PPP6R2: variants seen among roughly 807,000 people sequenced by gnomAD.
PPP6R2 encodes protein phosphatase 6 regulatory subunit 2, also known as serine/threonine-protein phosphatase 6 regulatory subunit 2.
In PPP6R2, 62 loss-of-function variants were observed where a neutral mutation model predicts 100.2. The observed-to-expected ratio is 0.62, with a 90% CI of 0.50 to 0.76. The LOEUF (loss-of-function observed/expected upper bound fraction) is 0.76. Among genes scored for constraint, PPP6R2 ranks in the 30% least tolerant of loss-of-function variants. The probability of loss-of-function intolerance (pLI) is 0.00; values close to 1 mark genes in which losing one functional copy is unlikely to be tolerated. For missense variants in PPP6R2, 1,142 were observed against 1,276.3 expected (o/e 0.89, Z 1.60); for synonymous variants, 525 against 514.7 (o/e 1.02, Z -0.27).
chr22:50,435,798 G>T (rs1164469378), intron 13 of PPP6R2, among the ~76,000 whole-genome samples: 1 of 152,212 alleles, frequency 6.6e-6, no homozygotes, highest in Non-Finnish European at 1.5e-5. Flanking sequence ...GTAGATGGGT[G>T]GAGGTGGAGG....
chr22:50,424,830 C>T (rs564210829), intron 10 of PPP6R2, among the ~76,000 whole-genome samples: 3 of 151,886 alleles, frequency 2.0e-5, no homozygotes, highest in East Asian at 1.9e-4. Context: ...TTAGTAGAGA[C>T]GGGGTTTCAC....
At chr22:50,424,536 G>T (rs1031514600) in intron 10 of PPP6R2, among the ~76,000 whole-genome samples, 9 of 151,682 alleles carry the variant, frequency 5.9e-5, no homozygotes, top group Admixed American at 2.0e-4. Context: ...ACGTCTGTCA[G>T]CGTGTATGAG....
rs1203401826 is a variant in PPP6R2, at chr22:50,398,166, C to CTT, written c.227+4048_227+4049dup. 1.9e-4 allele frequency among the ~76,000 whole-genome samples: 25 copies of CTT among 131,196 alleles called. 1 individual carries two copies. Among genetic ancestry groups the CTT allele is most frequent in the South Asian group, 1.8e-3 (7 of 3,894 alleles). 86.1% of individuals were successfully genotyped at this position (131,196 alleles called of 152,430 possible). A position where few individuals can be genotyped will look rare whatever the true frequency, so the allele number is the denominator to read the frequency against. On this transcript the variant is annotated intron_variant, in intron 3 of 23. Coordinates refer to ENST00000612753, the MANE Select transcript of PPP6R2 (RefSeq NM_001242898.2). ...TGGGCAATATAGCGAGACTCCATCT[C>CTT]TTTTTTTTTTTTTTTTTTGGTCTGA...
chr22:50,417,889 C>T (rs775730808), intron 6 of PPP6R2, among the ~76,000 whole-genome samples: 5 of 152,208 alleles, frequency 3.3e-5, no homozygotes, highest in Non-Finnish European at 7.3e-5. Context: ...AGTCTTCCCA[C>T]AGCATGTGAA....
chr22:50,423,487 G>C lies in PPP6R2; in HGVS notation c.998G>C (p.Gly333Ala). The C allele has an allele frequency of 6.2e-7, 1 of 1,614,232 alleles. No individual in the cohort carries two copies. The highest frequency in any genetic ancestry group is 2.2e-5 in the East Asian group (1 of 44,888). The change falls in exon 10 of 24, where the codon GGT (glycine) becomes GCT (alanine). Residue 333 changes from glycine to alanine, a missense_variant. Around this residue, in one of 2 missense-constraint regions of PPP6R2, gnomAD observed 592 missense variants for 758.9 expected, o/e 0.78. Transcript: ENST00000612753. This position sits in a 1 kb window ranked among gnomAD's most constrained non-coding sequence, Gnocchi z 4.8. ...PKKKAILTTI[G>A]VLEEPLGNAR... is the part of the protein sequence containing the mutation. ...AAGAAAGCGATCCTGACCACCATTG[G>C]TGTGCTGGAGGAGCCCCTGGGGAAT...
rs189044650 is a variant in PPP6R2, at chr22:50,409,582, C to T, written c.414+2707C>T. ...AGCCGGGTCTGCAGGCGTGCACCCC[C>T]ACGCCCAACTAATTTTTGTATTTTT... is the stretch of plus-strand genomic sequence containing the variant. On this transcript the variant is annotated intron_variant, in intron 4 of 23. Coordinates refer to ENST00000612753, the MANE Select transcript of PPP6R2 (RefSeq NM_001242898.2). Among the ~76,000 whole-genome samples, 234 of 152,262 alleles carry T rather than the reference C, an allele frequency of 1.5e-3. 1 individual carries two copies. Among genetic ancestry groups the T allele is most frequent in the African/African-American group, 5.4e-3 (224 of 41,554 alleles).
chr22:50,426,683 A>G (rs2062177457), intron 10 of PPP6R2, among the ~76,000 whole-genome samples: 1 of 152,122 alleles, frequency 6.6e-6, no homozygotes, highest in Non-Finnish European at 1.5e-5. Context: ...AAAAATACAA[A>G]AATTAGCCAG....
upstream of PPP6R2, among the ~76,000 whole-genome samples, chr22:50,339,750 TG>T (rs2042348546): frequency 1.2e-4 from 9 of 77,070 alleles, no homozygotes; most frequent in African/African-American, 7.1e-4. Context: ...ATATAGTATG[TG>T]GTGGTGTGTG....
intron 2 of PPP6R2, among the ~76,000 whole-genome samples, chr22:50,383,853 A>G (rs943429405): frequency 6.6e-6 from 1 of 152,038 alleles, no homozygotes; most frequent in Non-Finnish European, 1.5e-5. Context: ...CCTGGCCAAC[A>G]TGGTGAAATC....
At chr22:50,339,705 T>A (rs2147830051), upstream of PPP6R2, among the ~76,000 whole-genome samples, 1 of 143,718 alleles carries the variant, frequency 7.0e-6, no homozygotes, top group East Asian at 2.1e-4. Flanking sequence ...GTGTGTAGTG[T>A]GTGGTGTGTG....
At chr22:50,331,188 T>A in the PPP6R2 span, among the ~76,000 whole-genome samples, 1 of 152,158 alleles carries the variant, frequency 6.6e-6, no homozygotes, top group Admixed American at 6.6e-5. Flanking sequence ...TATATGATGT[T>A]TTCGTGTCCA....
At chr22:50,395,830 G>T (rs2056680191) in intron 3 of PPP6R2, among the ~76,000 whole-genome samples, 1 of 148,742 alleles carries the variant, frequency 6.7e-6, no homozygotes, top group African/African-American at 2.5e-5. Flanking sequence ...GCCTCCCAAA[G>T]TGCTGGGATT....
At chr22:50,442,036 C>T (rs966768731) in intron 22 of PPP6R2, among the ~76,000 whole-genome samples, 1 of 152,140 alleles carries the variant, frequency 6.6e-6, no homozygotes, top group African/African-American at 2.4e-5. Context: ...TAGGAGGGGA[C>T]AAGGTGCCTT....
Position 50,349,480 on chromosome 22 carries a change from G to A in PPP6R2, c.-148+5930G>A, listed in dbSNP as rs944778949. Among the ~76,000 whole-genome samples the A allele has an allele frequency of 9.3e-5, 14 of 151,076 alleles. 1 individual carries two copies. Among genetic ancestry groups the A allele is most frequent in the African/African-American group, 4.9e-5 (2 of 41,050 alleles). On this transcript the variant is annotated intron_variant, in intron 1 of 23. Coordinates refer to ENST00000612753, the MANE Select transcript of PPP6R2 (RefSeq NM_001242898.2). ...GGCCAGGAGTTCTAGACCAGCCTGA[G>A]CAACATAGTGAGGCCCCATCTCTGC...
intron 1 of PPP6R2, among the ~76,000 whole-genome samples, chr22:50,353,438 T>C (rs1217792122): frequency 6.6e-6 from 1 of 152,212 alleles, no homozygotes; most frequent in Non-Finnish European, 1.5e-5. Flanking sequence ...TTTGCTATCC[T>C]ATATGGGCAC....
chr22:50,389,495 T>A (rs552859258), intron 2 of PPP6R2, among the ~76,000 whole-genome samples: 2 of 152,226 alleles, frequency 1.3e-5, no homozygotes, highest in South Asian at 4.1e-4. Context: ...AAATTAGCTG[T>A]AACTAAACCA....
At chr22:50,409,635 C>A (rs1486183418) in intron 4 of PPP6R2, among the ~76,000 whole-genome samples, 1 of 152,210 alleles carries the variant, frequency 6.6e-6, no homozygotes, top group South Asian at 2.1e-4. Context: ...ACCATGTTGG[C>A]CAGGATGGTC....
At chr22:50,339,596 TGGTGTGTGC>T (rs2042346218), upstream of PPP6R2, among the ~76,000 whole-genome samples, 4 of 118,392 alleles carry the variant, frequency 3.4e-5, no homozygotes, top group South Asian at 5.8e-4. Context: ...GTGTGTGGTA[TGGTGTGTGC>T]GGTGTGTGTG....
chr22:50,438,125 T>C (rs770288107), intron 17 of PPP6R2, 49 bp from the exon 18 acceptor site: 1 of 1,576,154 alleles, frequency 6.3e-7, no homozygotes, highest in Non-Finnish European at 8.6e-7. Flanking sequence ...GAGCGGCTCC[T>C]GTCTCCCCCA....
Sources: allele counts gnomAD v4.1 joint callset (sites outside exome capture counted in the v4.1 genomes callset), GRCh38; gene constraint gnomAD v4.1.1; regional missense constraint gnomAD v4.1.1; non-coding constraint Gnocchi (gnomAD v3.1); transcripts MANE v1.5; gene names NCBI Gene and HGNC (gene_info 2026-07-23, HGNC 2026-07-21).